Variants in TBCD observed in about 807,000 individuals in gnomAD.
The protein encoded by TBCD is tubulin folding cofactor D, also known as tubulin-specific chaperone D.
TBCD carries 105 observed loss-of-function variants against 169.3 expected under a neutral mutation model. The ratio of observed to expected loss-of-function variants is 0.62; its 90% confidence interval spans 0.53 to 0.73. The LOEUF is 0.73. TBCD is among the 30% of genes least tolerant of loss of function. The probability of loss-of-function intolerance (pLI) is 0.00; values close to 1 mark genes in which losing one functional copy is unlikely to be tolerated. For missense variants in TBCD, 1,444 were observed against 1,600.1 expected (o/e 0.90, Z 1.66); for synonymous variants, 700 against 643.9 (o/e 1.09, Z -1.32).
At chr17:82,810,742 G>A (rs976311861) in intron 12 of TBCD, among the ~76,000 whole-genome samples, 6 of 152,328 alleles carry the variant, frequency 3.9e-5, no homozygotes, top group South Asian at 2.1e-4. Flanking sequence ...TCAGGACCCC[G>A]GGCGTGCTGT....
intron 13 of TBCD, among the ~76,000 whole-genome samples, chr17:82,820,860 A>G (rs888849689): frequency 4.7e-5 from 7 of 147,868 alleles, no homozygotes; most frequent in African/African-American, 1.5e-4. Flanking sequence ...GTTAATATAC[A>G]TGTTGGTAAG....
intron 20 of TBCD, among the ~76,000 whole-genome samples, chr17:82,907,329 T>C (rs1041517887): frequency 2.2e-4 from 33 of 152,058 alleles, no homozygotes; most frequent in African/African-American, 7.7e-4. Context: ...TTGGCAGGGG[T>C]CACAGCTTTA....
chr17:82,844,236 T>TGTGTGTGTGTGTGTG (rs59037028), intron 13 of TBCD, among the ~76,000 whole-genome samples: 36 of 151,134 alleles, frequency 2.4e-4, no homozygotes, highest in South Asian at 6.3e-4. Flanking sequence ...TGTGTGTGTG[T>TGTGTGTGTGTGTGTG]TTAAAGACCT....
intron 1 of TBCD, among the ~76,000 whole-genome samples, chr17:82,755,487 C>G (rs1232419801): frequency 6.6e-6 from 1 of 152,164 alleles, no homozygotes; most frequent in Non-Finnish European, 1.5e-5. Context: ...GGCCTGCTGT[C>G]TGTCATGTGA....
At chr17:82,777,468 T>C (rs1223562200) in intron 6 of TBCD, among the ~76,000 whole-genome samples, 1 of 152,120 alleles carries the variant, frequency 6.6e-6, no homozygotes, top group Non-Finnish European at 1.5e-5. Context: ...CTGATATTAT[T>C]GGATACAAGA....
chr17:82,867,620 G>A (rs977896044), intron 13 of TBCD, among the ~76,000 whole-genome samples: 2 of 152,206 alleles, frequency 1.3e-5, no homozygotes, highest in African/African-American at 4.8e-5. Context: ...AGGGCCTTTT[G>A]GGCGTCACAG....
intron 14 of TBCD, among the ~76,000 whole-genome samples, chr17:82,879,982 G>A (rs527421575): frequency 9.2e-5 from 14 of 152,124 alleles, no homozygotes; most frequent in Admixed American, 2.0e-4. Context: ...GGAGGCTCAG[G>A]GGGGCTCAAG....
chr17:82,752,108 C>CTCATCCT lies in TBCD; in HGVS notation c.-79_-73dup. 2 of 1,362,178 alleles carry CTCATCCT rather than the reference C, an allele frequency of 1.5e-6. No homozygotes were observed. Among genetic ancestry groups the CTCATCCT allele is most frequent in the South Asian group, 3.2e-5 (2 of 61,576 alleles). 84.4% of individuals were successfully genotyped at this position (1,362,178 alleles called of 1,614,324 possible). On this transcript the variant is annotated 5_prime_UTR_variant, in exon 1 of 39. Transcript: ENST00000355528. ...CTTAGCGGGCGCCTCCTTTTCATCC[C>CTCATCCT]TCATCCTTCATCCCTGGCTTTCGCG...
At chr17:82,898,470 T>C (rs1031286222) in intron 17 of TBCD, among the ~76,000 whole-genome samples, 1 of 151,976 alleles carries the variant, frequency 6.6e-6, no homozygotes, top group African/African-American at 2.4e-5. Flanking sequence ...CGTTTTCTTT[T>C]CCTATGTGCA....
At position 82,921,545 on chromosome 17, in the gene TBCD, C is replaced by T. The variant is rs1240564326; in HGVS notation, c.2146C>T (p.Leu716Phe). 1 of 1,614,046 alleles carries T rather than the reference C, an allele frequency of 6.2e-7. No homozygotes were observed. The highest frequency in any genetic ancestry group is 1.3e-5 in the African/African-American group (1 of 75,056). The stretch of plus-strand genomic sequence containing the variant: ...AAATGACACTTTGAGACATCTCCAT[C>T]TCATCTCAAGTCACTCCCGCCAGCA... ...LINDTLRHLH[L>F]ISSHSRQQMK... The change falls in exon 25 of 39, where the codon CTC becomes TTC. Residue 716 changes from leucine (L) to phenylalanine (F), a missense_variant. By Grantham distance (22) the Leu-to-Phe change is conservative. Transcript: ENST00000355528.
intron 6 of TBCD, among the ~76,000 whole-genome samples, chr17:82,780,453 GA>G (rs2144268681): frequency 6.6e-6 from 1 of 152,028 alleles, no homozygotes; most frequent in African/African-American, 2.4e-5. Flanking sequence ...TCCTGGTGGA[GA>G]AATCAGGAGG....
intron 4 of TBCD, among the ~76,000 whole-genome samples, chr17:82,767,304 G>T (rs1455046243): frequency 6.6e-6 from 1 of 152,184 alleles, no homozygotes; most frequent in Admixed American, 6.5e-5. Flanking sequence ...CTGCTGCCCT[G>T]CACTCCGTGC....
intron 1 of TBCD, among the ~76,000 whole-genome samples, chr17:82,755,570 C>T (rs537898395): frequency 4.6e-5 from 7 of 152,234 alleles, no homozygotes; most frequent in Admixed American, 4.6e-4. Flanking sequence ...TAATACTGAT[C>T]AGCTGTGCCT....
intron 17 of TBCD, among the ~76,000 whole-genome samples, chr17:82,899,675 A>G (rs1471054127): frequency 6.6e-6 from 1 of 152,226 alleles, no homozygotes; most frequent in Admixed American, 6.5e-5. Context: ...TAGAATTTTT[A>G]TATATTTAAC....
intron 18 of TBCD, among the ~76,000 whole-genome samples, chr17:82,902,154 C>T (rs1452746976): frequency 6.6e-6 from 1 of 152,128 alleles, no homozygotes. Context: ...AATGTATTGA[C>T]CCTTTATCTT....
In TBCD at chr17:82,944,382, T is replaced by TA. The variant is rs1230702563; in HGVS notation, c.*1920dup. 2 of 152,076 alleles carry TA rather than the reference T, an allele frequency of 1.3e-5. No individual in the cohort carries two copies. The highest frequency in any genetic ancestry group is 6.5e-5 in the Admixed American group (1 of 15,284). The allele number at this position is 152,076 out of a possible 1,614,324, so 9.4% of individuals were successfully genotyped here. ...CTGGAGCCCACCAGGGTCCAGGTGA[T>TA]AGAGTTTGGCAAGGAACCCCTTGCT... On this transcript the variant is annotated 3_prime_UTR_variant, in exon 39 of 39. Transcript: ENST00000355528.
chr17:82,808,764 T>C (rs908274300), intron 11 of TBCD, among the ~76,000 whole-genome samples: 1 of 144,348 alleles, frequency 6.9e-6, no homozygotes, highest in African/African-American at 2.6e-5. Context: ...AGGTCCCTGC[T>C]GTGGAGGGGA....
At chr17:82,909,676 TG>T (rs1452625627) in intron 22 of TBCD, among the ~76,000 whole-genome samples, 39 of 148,186 alleles carry the variant, frequency 2.6e-4, no homozygotes, top group Non-Finnish European at 5.3e-4. Context: ...GGGTCTGACC[TG>T]GTTGTGTGAT....
At chr17:82,942,421 G>A (rs148150693) in intron 38 of TBCD, 28 bp from the exon 39 acceptor site, 629 of 1,613,958 alleles carry the variant, frequency 3.9e-4, no homozygotes, top group Middle Eastern at 2.6e-3. Context: ...GAGCTGACCA[G>A]CCTGAGCTTG....
Sources: gnomAD v4.1 joint callset for allele counts (sites outside exome capture counted in the v4.1 genomes callset) on GRCh38, gnomAD v4.1.1 for gene constraint, MANE v1.5 for transcripts, NCBI Gene and HGNC (gene_info 2026-07-23, HGNC 2026-07-21) for gene names.